The following CSMD2 variants were observed in gnomAD, a reference collection of about 807,000 sequenced individuals.
The protein encoded by CSMD2 is CUB and Sushi multiple domains 2, also known as CUB and sushi domain-containing protein 2.
A neutral mutation model predicts 398.5 loss-of-function variants in CSMD2; 130 were observed. The ratio of observed to expected loss-of-function variants is 0.33; its 90% CI spans 0.28 to 0.38. The LOEUF is 0.38. Ranked by LOEUF, CSMD2 falls within the 10% of genes least tolerant of loss-of-function variation. The pLI is 1.00. For synonymous variants in CSMD2, 1,828 were observed against 1,908.5 expected (o/e 0.96, Z 1.10); for missense variants, 3,829 against 4,764.9 (o/e 0.80, Z 5.78).
At chr1:34,123,445 A>G (rs2148476011) in intron 1 of CSMD2, among the ~76,000 whole-genome samples, 1 of 152,080 alleles carries the variant, frequency 6.6e-6, no homozygotes, top group South Asian at 2.1e-4. Context: ...TCCTTTGTAT[A>G]TCCTTTATAA....
At chr1:34,123,226 G>A (rs1387633124) in intron 1 of CSMD2, among the ~76,000 whole-genome samples, 1 of 152,182 alleles carries the variant, frequency 6.6e-6, no homozygotes, top group Non-Finnish European at 1.5e-5. Context: ...TGAAGGTTAA[G>A]TTGATCACCA....
rs199962258 is a variant in CSMD2 at position 33,692,919 on chromosome 1, C to T, written c.4052+11G>A. The T allele has an allele frequency of 8.2e-5, 132 of 1,608,708 alleles. 1 individual carries two copies. Among genetic ancestry groups the T allele is most frequent in the Middle Eastern group, 1.6e-4 (1 of 6,064 alleles). On this transcript the variant is annotated intron_variant, in intron 25 of 70. Coordinates refer to ENST00000373381, the MANE Select transcript of CSMD2 (RefSeq NM_001281956.2). Reference sequence around the variant, plus strand: ...ACTGGCGATAGTTACTTTGTCAGCCCTGACACTTACCCAATGGTGCAGCCG... The same window carrying T: ...ACTGGCGATAGTTACTTTGTCAGCCTTGACACTTACCCAATGGTGCAGCCG...
rs76975360 is a variant in CSMD2, at chr1:33,717,428, T to C, written c.3002-927A>G. On this transcript the variant is annotated intron_variant, in intron 19 of 70. Transcript: ENST00000373381. ...TGAGCCTTCAGGGGTCAGGGTAGGG[T>C]AGCCAAGACAGCAGGCACTTAATGC... 9.2e-3 allele frequency among the ~76,000 whole-genome samples: 1,396 copies of C among 151,806 alleles called. 11 individuals carry two copies. Among genetic ancestry groups the C allele is most frequent in the Non-Finnish European group, 0.016 (1,069 of 67,926 alleles).
In CSMD2 at chr1:33,550,331, C is replaced by A. The variant is rs141501015; in HGVS notation, c.8763G>T (p.Pro2921=). 4 of 1,613,840 alleles carry A rather than the reference C, an allele frequency of 2.5e-6. No homozygotes were observed. The highest frequency in any genetic ancestry group is 3.4e-6 in the Non-Finnish European group (4 of 1,179,886). ...PQCLLVSCGH[P]GSPPHSQMSG... Reference sequence around the variant, plus strand: ...ACATCTGGGAGTGAGGCGGGGAGCCCGGATGGCCACAGGACACCACTGTGG... The same window carrying A: ...ACATCTGGGAGTGAGGCGGGGAGCCAGGATGGCCACAGGACACCACTGTGG... The change falls in exon 56 of 71, where the codon CCG becomes CCT. Residue 2921 remains proline, a synonymous_variant. Transcript: ENST00000373381.
chr1:33,583,993 G>A (rs1638900551), intron 46 of CSMD2, among the ~76,000 whole-genome samples, 163 bp from the exon 47 acceptor site: 1 of 152,180 alleles, frequency 6.6e-6, no homozygotes, highest in African/African-American at 2.4e-5. Flanking sequence ...ATGACATGAG[G>A]TGGGCTTAGA....
Position 33,605,943 on chromosome 1 carries a change from T to C in CSMD2, c.6344-473A>G, listed in dbSNP as rs370723530. ...GTTGGTTCTTTCCAACTCCGAGAGA[T>C]CAAAACCTCTCAGGAAGGAAGAAAT... On this transcript the variant is annotated intron_variant, in intron 41 of 70. Transcript: ENST00000373381. The C allele has an allele frequency of 1.8e-5, 29 of 1,613,516 alleles. No homozygotes were observed. In the Admixed American group the frequency reaches 4.7e-4, roughly 26 times the overall value.
chr1:33,745,900 A>ATAATGCTACGAGGTAGGTATTGT (rs1483211054), intron 13 of CSMD2, among the ~76,000 whole-genome samples: 1 of 152,236 alleles, frequency 6.6e-6, no homozygotes, highest in Non-Finnish European at 1.5e-5. Context: ...AACTGTCACT[A>ATAATGCTACGAGGTAGGTATTGT]TAATGCTACG....
intron 54 of CSMD2, among the ~76,000 whole-genome samples, chr1:33,558,132 T>C (rs974962413): frequency 1.1e-4 from 17 of 152,308 alleles, no homozygotes; most frequent in African/African-American, 3.8e-4. Context: ...TCCCACCTCT[T>C]CCCAGATTGA....
chr1:33,553,902 C>T (rs1657704194), intron 55 of CSMD2, among the ~76,000 whole-genome samples: 2 of 152,058 alleles, frequency 1.3e-5, no homozygotes, highest in Admixed American at 1.3e-4. Context: ...TCAAACCAGC[C>T]ACAATATTCC....
chr1:33,964,678 C>T (rs559185165), intron 3 of CSMD2, among the ~76,000 whole-genome samples: 5 of 152,316 alleles, frequency 3.3e-5, no homozygotes, highest in Non-Finnish European at 5.9e-5. Context: ...GATGGATGCA[C>T]AACCCCTCCC....
At chr1:34,017,390 T>C (rs1648277055) in intron 3 of CSMD2, among the ~76,000 whole-genome samples, 1 of 152,370 alleles carries the variant, frequency 6.6e-6, no homozygotes, top group Middle Eastern at 3.4e-3. Flanking sequence ...TCATAGTTAC[T>C]TGTCTCATTA....
Position 34,076,961 on chromosome 1 carries a change from G to A in CSMD2, c.404+12016C>T, listed in dbSNP as rs1472872585. 3.8e-5 allele frequency among the ~76,000 whole-genome samples: 4 copies of A among 104,280 alleles called. No individual in the cohort carries two copies. The East Asian group carries it at 1.1e-3, about 29-fold the overall frequency. The allele number at this position is 104,280 out of a possible 152,430, so 68.4% of individuals were successfully genotyped here. The stretch of plus-strand genomic sequence containing the variant: ...TATATATATATATATATATATAGAA[G>A]GCTTGACTCCCATGACTCCCAGCCT... On this transcript the variant is annotated intron_variant, in intron 2 of 70. Coordinates refer to ENST00000373381, the MANE Select transcript of CSMD2 (RefSeq NM_001281956.2).
At chr1:33,926,792 T>C (rs896204516) in intron 4 of CSMD2, among the ~76,000 whole-genome samples, 1 of 152,226 alleles carries the variant, frequency 6.6e-6, no homozygotes, top group Non-Finnish European at 1.5e-5. Context: ...TTTATGACTT[T>C]ATTTATGATC....
In CSMD2 at chr1:33,739,154, A is replaced by G. The variant is rs1305621408; in HGVS notation, c.2354T>C (p.Val785Ala). Residue 785 changes from valine to alanine, a missense_variant, in exon 15 of 71, where the codon GTG becomes GCG. Coordinates refer to ENST00000373381, the MANE Select transcript of CSMD2 (RefSeq NM_001281956.2). ...CAGGCTCGTACCTTCACACCGCAGCACAGCGCTGTTCCAGACCACGCTGCC... is the reference window on the plus strand; with the variant it reads ...CAGGCTCGTACCTTCACACCGCAGCGCAGCGCTGTTCCAGACCACGCTGCC... ...KEGSVVWNSAVLRCEAPCGGH... is the reference protein window; with the variant it reads ...KEGSVVWNSAALRCEAPCGGH... The G allele has an allele frequency of 4.3e-6, 7 of 1,613,406 alleles. No homozygotes were observed. Among genetic ancestry groups the G allele is most frequent in the Non-Finnish European group, 5.1e-6 (6 of 1,179,746 alleles).
intron 27 of CSMD2, among the ~76,000 whole-genome samples, chr1:33,656,591 C>T (rs1442655841): frequency 6.6e-6 from 1 of 152,156 alleles, no homozygotes; most frequent in East Asian, 1.9e-4. Flanking sequence ...GAGAGAGGTG[C>T]AGGCCAGGGC....
chr1:33,574,498 T>A (rs893879090), intron 49 of CSMD2, among the ~76,000 whole-genome samples: 1 of 152,162 alleles, frequency 6.6e-6, no homozygotes, highest in Non-Finnish European at 1.5e-5. Context: ...CCATCCACTA[T>A]CCCCTCTGGC....
At chr1:33,809,414 T>C (rs1388059022) in intron 10 of CSMD2, among the ~76,000 whole-genome samples, 1 of 152,014 alleles carries the variant, frequency 6.6e-6, no homozygotes, top group East Asian at 1.9e-4. Flanking sequence ...AATTATATGA[T>C]TGTATCAATA....
chr1:34,038,837 G>T, intron 2 of CSMD2, among the ~76,000 whole-genome samples: 1 of 152,154 alleles, frequency 6.6e-6, no homozygotes, highest in Non-Finnish European at 1.5e-5. Context: ...TTATCACCAT[G>T]CATCCATGTT....
At chr1:34,016,493 T>C (rs1461642270) in intron 3 of CSMD2, among the ~76,000 whole-genome samples, 1 of 152,172 alleles carries the variant, frequency 6.6e-6, no homozygotes, top group Admixed American at 6.5e-5. Flanking sequence ...TCATTCTTTT[T>C]CACGGCTGCA....
Sources: gnomAD v4.1 joint callset for allele counts (sites outside exome capture counted in the v4.1 genomes callset) on GRCh38, gnomAD v4.1.1 for gene constraint, MANE v1.5 for transcripts, NCBI Gene and HGNC (gene_info 2026-07-23, HGNC 2026-07-21) for gene names.